TBC1D9: variants seen among roughly 807,000 people sequenced by gnomAD.
TBC1D9 encodes the protein TBC1 domain family member 9.
A neutral mutation model predicts 132.0 loss-of-function variants in TBC1D9; 63 were observed. That is an observed-to-expected ratio of 0.48 (90% CI 0.39 to 0.59). The LOEUF is 0.59. Among genes scored for constraint, TBC1D9 ranks in the 20% least tolerant of loss-of-function variants. The pLI is 0.00. For missense variants in TBC1D9, 1,261 were observed against 1,592.7 expected, an observed-to-expected ratio of 0.79 and a Z score of 3.54; for synonymous variants, 610 against 609.9, an observed-to-expected ratio of 1.00 and a Z score of 0.00.
rs371754313 is a variant in TBC1D9, at chr4:140,662,028, G to A, written c.1668C>T (p.Ala556=). The stretch of plus-strand genomic sequence containing the variant: ...GTAAATCCCTCTCAATCTCCTCCGT[G>A]GCGAGATTATACTTCCCCATGGACT... ...VEKSMGKYNL[A]TEEIERDLHR... The change falls in exon 10 of 21, where the codon GCC becomes GCT. Residue 556 remains alanine (A), a synonymous_variant. Transcript: ENST00000442267. The A allele has an allele frequency of 8.1e-6, 13 of 1,613,796 alleles. No individual in the cohort carries two copies. Among genetic ancestry groups the A allele is most frequent in the Non-Finnish European group, 1.0e-5 (12 of 1,179,880 alleles).
intron 3 of TBC1D9, among the ~76,000 whole-genome samples, chr4:140,685,670 T>A (rs1430023719): frequency 6.6e-6 from 1 of 152,174 alleles, no homozygotes; most frequent in Non-Finnish European, 1.5e-5. Context: ...TGTCAAATAT[T>A]CTGGTATTAA....
chr4:140,669,001 T>G lies in TBC1D9; in HGVS notation c.1504A>C (p.Met502Leu), dbSNP rs1327585734. ...TCCCGCGTTTTCTCTGTGCGGTACA[T>G]GCAGATCCCTTGCCCATACTCAGCA... ...HFAEYGQGIC[M>L]YRTEKTRELV... Residue 502 changes from methionine to leucine, a missense_variant, in exon 9 of 21, where the codon ATG (methionine) becomes CTG (leucine). Met to Leu is a conservative substitution (Grantham distance 15). Transcript: ENST00000442267. The G allele has an allele frequency of 3.7e-6, 6 of 1,613,884 alleles. No individual in the cohort carries two copies. The highest frequency in any genetic ancestry group is 5.1e-6 in the Non-Finnish European group (6 of 1,179,882).
chr4:140,698,524 C>A (rs568026175), intron 2 of TBC1D9, among the ~76,000 whole-genome samples: 1 of 152,040 alleles, frequency 6.6e-6, no homozygotes, highest in African/African-American at 2.4e-5. Context: ...CCGAGGTGGG[C>A]GGATCATGAG....
In TBC1D9 at chr4:140,652,754, C is replaced by T. The variant is rs565657078; in HGVS notation, c.2337+4343G>A. Among the ~76,000 whole-genome samples, 29 of 152,288 alleles carry T rather than the reference C, an allele frequency of 1.9e-4. No homozygotes were observed. The South Asian group carries it at 4.8e-3, about 25-fold the overall frequency. On this transcript the variant is annotated intron_variant, in intron 13 of 20. Transcript: ENST00000442267. ...CCTTGCCCCACACATGGCAGGCTCT[C>T]GATGAGTAATAGCTATTATAGTAAT...
intron 5 of TBC1D9, among the ~76,000 whole-genome samples, chr4:140,678,464 C>G (rs1013051692): frequency 6.6e-6 from 1 of 152,200 alleles, no homozygotes; most frequent in African/African-American, 2.4e-5. Flanking sequence ...TCTGCAGCCT[C>G]TCCTCATCCC....
intron 18 of TBC1D9, among the ~76,000 whole-genome samples, 154 bp downstream of exon 18, chr4:140,627,287 C>T (rs1736724060): frequency 6.6e-6 from 1 of 152,120 alleles, no homozygotes; most frequent in African/African-American, 2.4e-5. Flanking sequence ...CCAATAGTTG[C>T]CTAATCTCAA....
At chr4:140,719,973 G>A (rs2111057284) in intron 1 of TBC1D9, among the ~76,000 whole-genome samples, 1 of 152,266 alleles carries the variant, frequency 6.6e-6, no homozygotes, top group South Asian at 2.1e-4. Flanking sequence ...CTATATAACT[G>A]ATAAAAACCA....
At chr4:140,725,911 T>C (rs1738495166) in intron 1 of TBC1D9, among the ~76,000 whole-genome samples, 1 of 152,204 alleles carries the variant, frequency 6.6e-6, no homozygotes, top group Non-Finnish European at 1.5e-5. Flanking sequence ...TGAGAAATTT[T>C]CCACTGTATG....
intron 2 of TBC1D9, among the ~76,000 whole-genome samples, chr4:140,693,716 C>G (rs1027337102): frequency 6.6e-6 from 1 of 152,222 alleles, no homozygotes; most frequent in Non-Finnish European, 1.5e-5. Flanking sequence ...AGCTGTTTAA[C>G]TATTGCCCAA....
intron 16 of TBC1D9, among the ~76,000 whole-genome samples, chr4:140,631,949 T>C (rs1391340014): frequency 6.6e-6 from 1 of 152,200 alleles, no homozygotes; most frequent in Non-Finnish European, 1.5e-5. Context: ...TGCTTGACTT[T>C]CCCATCTCCA....
chr4:140,631,601 C>CT (rs5862493), intron 16 of TBC1D9, among the ~76,000 whole-genome samples: 50 of 140,666 alleles, frequency 3.6e-4, no homozygotes, highest in East Asian at 4.2e-4. Flanking sequence ...TTTAGTTTTT[C>CT]TTTTTTTTTT....
intron 5 of TBC1D9, 57 bp from the exon 6 acceptor site, chr4:140,677,158 A>G: frequency 2.5e-6 from 4 of 1,591,884 alleles, no homozygotes; most frequent in Non-Finnish European, 3.4e-6. Flanking sequence ...CTTCTAAATT[A>G]TGCAGCAGCG....
chr4:140,720,714 G>A (rs189108838), intron 1 of TBC1D9, among the ~76,000 whole-genome samples: 4 of 152,310 alleles, frequency 2.6e-5, no homozygotes, highest in Admixed American at 2.6e-4. Context: ...TGCTATTTCT[G>A]TTAGGGGAAA....
intron 11 of TBC1D9, among the ~76,000 whole-genome samples, chr4:140,659,183 A>C (rs1737318671): frequency 6.6e-6 from 1 of 152,182 alleles, no homozygotes; most frequent in Admixed American, 6.5e-5. Context: ...GCTTTCAATA[A>C]ACCTCTATAT....
At chr4:140,642,013 C>G (rs1415966646) in intron 13 of TBC1D9, 2 of 637,340 alleles carry the variant, frequency 3.1e-6, no homozygotes, top group Admixed American at 4.9e-5. Context: ...CTTAGCCTCT[C>G]GAAGCAGCAA....
At chr4:140,743,604 T>C (rs1042804722) in intron 1 of TBC1D9, among the ~76,000 whole-genome samples, 3 of 152,162 alleles carry the variant, frequency 2.0e-5, no homozygotes, top group Non-Finnish European at 4.4e-5. Flanking sequence ...GTCTGTGGCA[T>C]TCCCTGCACA....
intron 13 of TBC1D9, chr4:140,643,233 C>T (rs1194386975): frequency 2.3e-6 from 3 of 1,326,956 alleles, no homozygotes; most frequent in Non-Finnish European, 3.2e-6. Context: ...CACCTTCTTG[C>T]TCCTCCTCTC....
rs1344558025 is a variant in TBC1D9, at chr4:140,709,448, T to A, written c.131-7834A>T. Among the ~76,000 whole-genome samples the A allele has an allele frequency of 2.0e-5, 3 of 152,198 alleles. No individual in the cohort carries two copies. In the East Asian group the frequency reaches 5.8e-4, roughly 29 times the overall value. ...AATCAGTTTTTCTTTGTTTTTTAGT[T>A]TTCAATCTGTTACAGACTGACACTT... is the stretch of plus-strand genomic sequence containing the variant. On this transcript the variant is annotated intron_variant, in intron 1 of 20. Transcript: ENST00000442267.
chr4:140,692,820 G>A (rs1737896889), intron 2 of TBC1D9, among the ~76,000 whole-genome samples: 1 of 152,060 alleles, frequency 6.6e-6, no homozygotes, highest in South Asian at 2.1e-4. Context: ...AGGAGTTCGA[G>A]ACCAGCCTGG....
Sources: gnomAD v4.1 joint callset for allele counts (sites outside exome capture counted in the v4.1 genomes callset) on GRCh38, gnomAD v4.1.1 for gene constraint, MANE v1.5 for transcripts, NCBI Gene and HGNC (gene_info 2026-07-23, HGNC 2026-07-21) for gene names.